The following MBP variants were observed in gnomAD, a reference collection of about 807,000 sequenced individuals.
MBP encodes Golli-MBP.
MBP carries 16 observed loss-of-function variants against 35.8 expected under a neutral mutation model. The observed-to-expected ratio is 0.45, with a 90% CI of 0.30 to 0.68. The LOEUF (loss-of-function observed/expected upper bound fraction) is 0.68. Among genes scored for constraint, MBP ranks in the 30% least tolerant of loss-of-function variants. MBP has a pLI of 0.08. For missense variants in MBP, 380 were observed against 404.7 expected (o/e 0.94, Z 0.52); for synonymous variants, 143 against 159.6 (o/e 0.90, Z 0.78).
At chr18:77,041,915 A>C (rs182572465) in intron 3 of MBP, among the ~76,000 whole-genome samples, 46 of 143,572 alleles carry the variant, frequency 3.2e-4, no homozygotes, top group African/African-American at 1.2e-3. Context: ...GTACCCTAAG[A>C]CTTAAAGTAT....
At chr18:77,082,576 T>G (rs895475795) in intron 2 of MBP, among the ~76,000 whole-genome samples, 1 of 152,238 alleles carries the variant, frequency 6.6e-6, no homozygotes, top group Non-Finnish European at 1.5e-5. Flanking sequence ...ACTGAAAGCA[T>G]GGACATGTAC....
At chr18:77,078,688 G>A (rs975507892) in intron 2 of MBP, among the ~76,000 whole-genome samples, 1 of 152,266 alleles carries the variant, frequency 6.6e-6, no homozygotes, top group Non-Finnish European at 1.5e-5. Flanking sequence ...CAGAGTTGGA[G>A]AGAGCAGATC....
Position 77,020,014 on chromosome 18 carries a change from A to T in MBP, c.140-2746T>A, listed in dbSNP as rs1971928390. 6.6e-6 allele frequency among the ~76,000 whole-genome samples: 1 copy of T among 152,126 alleles called. No individual in the cohort carries two copies. Among genetic ancestry groups the T allele is most frequent in the African/African-American group, 2.4e-5 (1 of 41,414 alleles). ...TATCACAGCCTTGATGGCTGTGAAC[A>T]GACTGTGGAAAGGGCAGAGCAGGCA... On this transcript the variant is annotated intron_variant, in intron 3 of 8. Transcript: ENST00000355994. This position sits in a 1 kb window ranked among gnomAD's most constrained non-coding sequence, Gnocchi z 4.1.
intron 1 of MBP, among the ~76,000 whole-genome samples, chr18:77,107,304 C>T (rs145558041): frequency 6.6e-5 from 10 of 152,270 alleles, no homozygotes; most frequent in East Asian, 3.9e-4. Context: ...CTCCTATCAC[C>T]GGCTGTGTTC....
chr18:77,001,697 A>G (rs1439145360), intron 4 of MBP, among the ~76,000 whole-genome samples: 3 of 152,068 alleles, frequency 2.0e-5, no homozygotes, highest in Non-Finnish European at 4.4e-5. Flanking sequence ...CTAAAATACG[A>G]GAATTAGCTG....
intron 4 of MBP, chr18:77,016,567 C>G: frequency 1.5e-6 from 2 of 1,340,328 alleles, no homozygotes; most frequent in African/African-American, 2.9e-5. Flanking sequence ...CTTAGAGATC[C>G]AGAATTCAGC....
chr18:76,982,909 T>C (rs560996937), intron 8 of MBP: 9 of 152,324 alleles, frequency 5.9e-5, no homozygotes, highest in Admixed American at 3.9e-4. Context: ...AATTAAATAA[T>C]TTTTAAAAGC....
chr18:77,087,021 T>C (rs1050175388), intron 2 of MBP, among the ~76,000 whole-genome samples: 1 of 152,142 alleles, frequency 6.6e-6, no homozygotes, highest in African/African-American at 2.4e-5. Context: ...CTGTTTTATT[T>C]GAAAAGTATA....
chr18:77,064,518 G>T (rs948285398), intron 3 of MBP, among the ~76,000 whole-genome samples: 49 of 152,026 alleles, frequency 3.2e-4, no homozygotes, highest in African/African-American at 1.2e-3. Context: ...TCAGTCTCTG[G>T]GCCTTTGAGT....
intron 3 of MBP, among the ~76,000 whole-genome samples, chr18:77,037,171 T>C (rs565618358): frequency 1.0e-4 from 15 of 146,674 alleles, no homozygotes; most frequent in African/African-American, 3.0e-4. Context: ...GAGACAGAGC[T>C]GAGCAAGTGC....
chr18:76,988,690 G>A lies in MBP; in HGVS notation c.718-163C>T. The A allele has an allele frequency of 4.3e-6, 6 of 1,410,996 alleles. No individual in the cohort carries two copies. The highest frequency in any genetic ancestry group is 5.7e-6 in the Non-Finnish European group (6 of 1,044,928). The allele number at this position is 1,410,996 out of a possible 1,614,324, so 87.4% of individuals were successfully genotyped here. ...GCAGGCTCAGGGCCACAGCGGCTGT[G>A]CAGGTGCGGGAGGGACAGGAGGGGT... On this transcript the variant is annotated intron_variant, in intron 6 of 8. Coordinates refer to ENST00000355994, the MANE Select transcript of MBP (RefSeq NM_001025101.2). The surrounding 1 kb of genome is among the most constrained non-coding windows in gnomAD (Gnocchi z 5.2).
chr18:76,984,409 A>C, intron 8 of MBP: 1 of 252,814 alleles, frequency 4.0e-6, no homozygotes, highest in Non-Finnish European at 7.9e-6. Flanking sequence ...TCTCCCCCCG[A>C]CACCCACGTC....
At chr18:77,021,773 G>GCGCCC in intron 3 of MBP, among the ~76,000 whole-genome samples, 1 of 152,280 alleles carries the variant, frequency 6.6e-6, no homozygotes, top group Middle Eastern at 3.4e-3. Flanking sequence ...GTGAGCCACC[G>GCGCCC]TGCCCAGCCT....
chr18:77,000,701 T>G (rs921172053), intron 4 of MBP, among the ~76,000 whole-genome samples: 2 of 152,016 alleles, frequency 1.3e-5, no homozygotes, highest in Admixed American at 6.5e-5. Flanking sequence ...GGAAGAGGGT[T>G]GTTGTTGTTT....
At chr18:77,027,049 T>A (rs1305631423) in intron 3 of MBP, among the ~76,000 whole-genome samples, 3 of 152,150 alleles carry the variant, frequency 2.0e-5, no homozygotes, top group Non-Finnish European at 4.4e-5. Flanking sequence ...GTTGGCTTAT[T>A]TTATGTATTT....
chr18:76,997,730 T>TGC (rs1970360188), intron 4 of MBP, among the ~76,000 whole-genome samples: 1 of 150,842 alleles, frequency 6.6e-6, no homozygotes. Context: ...TCCCCCAGGC[T>TGC]GGAGTGCAGT....
intron 2 of MBP, among the ~76,000 whole-genome samples, chr18:77,091,141 C>T (rs894913489): frequency 6.6e-6 from 1 of 152,188 alleles, no homozygotes; most frequent in African/African-American, 2.4e-5. Flanking sequence ...TTGTTAAGTG[C>T]CTCAATGCAA....
At chr18:77,118,878 CACACACCAG>C (rs1976799498) in intron 1 of MBP, among the ~76,000 whole-genome samples, 1 of 149,012 alleles carries the variant, frequency 6.7e-6, no homozygotes, top group African/African-American at 2.6e-5. Context: ...AGACACTTCA[CACACACCAG>C]ACACACACCA....
chr18:77,098,855 G>A (rs773523608), intron 2 of MBP, among the ~76,000 whole-genome samples: 3 of 152,144 alleles, frequency 2.0e-5, no homozygotes, highest in Non-Finnish European at 2.9e-5. Context: ...CCTCCTCCGC[G>A]CTGCATTTTT....
Sources: gnomAD v4.1 joint callset for allele counts (sites outside exome capture counted in the v4.1 genomes callset) on GRCh38, gnomAD v4.1.1 for gene constraint, Gnocchi (gnomAD v3.1) non-coding constraint, MANE v1.5 for transcripts, NCBI Gene and HGNC (gene_info 2026-07-23, HGNC 2026-07-21) for gene names.